Variants in SFXN1 observed in about 807,000 individuals in gnomAD.
SFXN1 encodes sideroflexin 1.
A neutral mutation model predicts 39.5 loss-of-function variants in SFXN1; 32 were observed. The observed-to-expected ratio is 0.81, with a 90% CI of 0.61 to 1.09. SFXN1 has a LOEUF of 1.09. Among genes scored for constraint, SFXN1 ranks in the 50% least tolerant of loss-of-function variants. SFXN1 has a pLI of 0.00. For synonymous variants in SFXN1, 136 were observed against 146.5 expected (o/e 0.93, Z 0.52); for missense variants, 402 against 407.1 (o/e 0.99, Z 0.11).
At position 175,507,984 on chromosome 5, in the gene SFXN1, A is replaced by G. The variant is rs1262458823; in HGVS notation, c.165-1048A>G. ...TGAGACCCTGTCTTTAAAAAAAAAA[A>G]AAAAAAAATTCTTCCTGAACTAGCT... is the stretch of plus-strand genomic sequence containing the variant. On this transcript the variant is annotated intron_variant, in intron 2 of 10. Transcript: ENST00000321442. 2.9e-5 allele frequency among the ~76,000 whole-genome samples: 4 copies of G among 137,442 alleles called. No homozygotes were observed. The East Asian group carries it at 8.8e-4, about 30-fold the overall frequency. The allele number at this position is 137,442 out of a possible 152,430, so 90.2% of individuals were successfully genotyped here.
chr5:175,490,499 A>G (rs1382746119), intron 1 of SFXN1, among the ~76,000 whole-genome samples: 1 of 152,232 alleles, frequency 6.6e-6, no homozygotes, highest in Non-Finnish European at 1.5e-5. Flanking sequence ...CCCAGCATTC[A>G]CATCCGACAT....
rs1457670277 is a variant in SFXN1, at chr5:175,509,088, T to G, written c.221T>G (p.Ile74Ser). 6.2e-7 allele frequency: 1 copy of G among 1,613,830 alleles called. No homozygotes were observed. The highest frequency in any genetic ancestry group is 8.5e-7 in the Non-Finnish European group (1 of 1,179,960). The change falls in exon 3 of 11, where the codon ATC becomes AGC. Residue 74 changes from isoleucine (I) to serine (S), a missense_variant. By Grantham distance (142) the Ile-to-Ser change is moderately radical. Coordinates refer to ENST00000321442, the MANE Select transcript of SFXN1 (RefSeq NM_022754.7). ...AATGAATTGTGGAGAGCAAAGTACA[T>G]CTATGATTCAGCTTTTCATCCTGAC... ...TENELWRAKY[I>S]YDSAFHPDTG...
chr5:175,487,634 G>A (rs112056090), intron 1 of SFXN1, among the ~76,000 whole-genome samples: 4,201 of 152,044 alleles, frequency 0.028, 106 homozygotes, highest in Non-Finnish European at 0.039. Flanking sequence ...CACTTCCCTG[G>A]TGATCTCATC....
chr5:175,517,481 C>T (rs1167575449), intron 8 of SFXN1, among the ~76,000 whole-genome samples: 1 of 152,044 alleles, frequency 6.6e-6, no homozygotes, highest in Non-Finnish European at 1.5e-5. Flanking sequence ...AGTCCTGGCA[C>T]CTCACTGGCT....
Position 175,526,710 on chromosome 5 carries a change from C to T in SFXN1, c.945C>T (p.Arg315=), listed in dbSNP as rs112968197. 1.4e-5 allele frequency: 23 copies of T among 1,614,144 alleles called. 1 individual carries two copies. The South Asian group carries it at 1.5e-4, about 11-fold the overall frequency. Residue 315 remains arginine (R), a synonymous_variant, in exon 11 of 11, where the codon CGC becomes CGT. Transcript: ENST00000321442. ...KIQESHPELR[R]VYFNKGL ...AAGAGAGCCATCCTGAATTGCGACG[C>T]GTGTACTTCAATAAGGGATTGTAAA...
chr5:175,494,362 A>G (rs1277383289), intron 2 of SFXN1, among the ~76,000 whole-genome samples: 4 of 152,246 alleles, frequency 2.6e-5, no homozygotes, highest in Admixed American at 2.6e-4. Flanking sequence ...ATGCCTGAAG[A>G]TAGTAAGCGA....
At chr5:175,514,838 G>GCACAGC (rs1760663852) in intron 7 of SFXN1, among the ~76,000 whole-genome samples, 2 of 152,310 alleles carry the variant, frequency 1.3e-5, no homozygotes, top group African/African-American at 4.8e-5. Flanking sequence ...AGGGGTGGCT[G>GCACAGC]CACAGCCACA....
chr5:175,481,255 A>G (rs1278458224), intron 1 of SFXN1, among the ~76,000 whole-genome samples: 1 of 152,168 alleles, frequency 6.6e-6, no homozygotes, highest in Admixed American at 6.5e-5. Context: ...CCATGCCCAT[A>G]GTTGATCTTG....
chr5:175,486,227 T>G (rs1402135165), intron 1 of SFXN1, among the ~76,000 whole-genome samples: 2 of 152,154 alleles, frequency 1.3e-5, no homozygotes, highest in Non-Finnish European at 2.9e-5. Flanking sequence ...CAGACATTAA[T>G]TGGTGTCATA....
chr5:175,492,545 T>C, intron 2 of SFXN1: 1 of 261,690 alleles, frequency 3.8e-6, no homozygotes, highest in Non-Finnish European at 7.2e-6. Flanking sequence ...TTGCCTTCTG[T>C]TCTCCGATAG....
At chr5:175,525,945 A>G (rs1417287249) in intron 10 of SFXN1, 1 of 152,134 alleles carries the variant, frequency 6.6e-6, no homozygotes, top group Non-Finnish European at 1.5e-5. Flanking sequence ...ATTACATATC[A>G]AAATATTAGC....
chr5:175,510,183 G>A lies in SFXN1; in HGVS notation c.410G>A (p.Ser137Asn), dbSNP rs1202835608. ...GCCGTCGTCAATTACACCAACAGAA[G>A]TGGAGACGCACCCCTCACTGTCAAG... is the stretch of plus-strand genomic sequence containing the variant. The part of the protein sequence containing the change: ...FNAVVNYTNR[S>N]GDAPLTVNEL... The change falls in exon 4 of 11, where the codon AGT becomes AAT. Residue 137 changes from serine (S) to asparagine (N), a missense_variant. Transcript: ENST00000321442. 2 of 1,613,018 alleles carry A rather than the reference G, an allele frequency of 1.2e-6. No individual in the cohort carries two copies. The highest frequency in any genetic ancestry group is 1.7e-6 in the Non-Finnish European group (2 of 1,179,624).
chr5:175,501,150 C>T (rs1284880856), intron 2 of SFXN1, among the ~76,000 whole-genome samples: 1 of 148,732 alleles, frequency 6.7e-6, no homozygotes, highest in Non-Finnish European at 1.5e-5. Flanking sequence ...CTCACTGCAA[C>T]CTCTGCCTCC....
chr5:175,517,514 G>A (rs1367484520), intron 8 of SFXN1, among the ~76,000 whole-genome samples: 1 of 152,090 alleles, frequency 6.6e-6, no homozygotes, highest in Non-Finnish European at 1.5e-5. Context: ...GGTTGTAGGT[G>A]TACTCCTTCA....
intron 2 of SFXN1, among the ~76,000 whole-genome samples, chr5:175,504,590 A>G (rs1760217121): frequency 6.6e-6 from 1 of 152,026 alleles, no homozygotes; most frequent in Non-Finnish European, 1.5e-5. Flanking sequence ...AAAAAAAAGA[A>G]GAGACCATAA....
At chr5:175,482,889 C>T (rs564169687) in intron 1 of SFXN1, among the ~76,000 whole-genome samples, 8 of 151,964 alleles carry the variant, frequency 5.3e-5, no homozygotes, top group South Asian at 2.1e-4. Flanking sequence ...CACCACAGGG[C>T]GGGGGGCCTC....
At chr5:175,495,091 GA>G (rs1355238812) in intron 2 of SFXN1, among the ~76,000 whole-genome samples, 1 of 152,230 alleles carries the variant, frequency 6.6e-6, no homozygotes, top group East Asian at 1.9e-4. Flanking sequence ...CCATACAGTG[GA>G]ATCCCATACA....
intron 1 of SFXN1, among the ~76,000 whole-genome samples, chr5:175,486,832 G>A (rs372210456): frequency 5.3e-5 from 8 of 152,244 alleles, no homozygotes; most frequent in Admixed American, 1.3e-4. Context: ...CCGTGATGGC[G>A]GCAGCTTGCC....
intron 8 of SFXN1, among the ~76,000 whole-genome samples, chr5:175,520,020 C>T (rs995550742): frequency 1.3e-5 from 2 of 151,710 alleles, no homozygotes; most frequent in Non-Finnish European, 2.9e-5. Flanking sequence ...CAGGCATGTA[C>T]CACCATGCCT....
Sources: gnomAD v4.1 joint callset for allele counts (sites outside exome capture counted in the v4.1 genomes callset) on GRCh38, gnomAD v4.1.1 for gene constraint, MANE v1.5 for transcripts, NCBI Gene and HGNC (gene_info 2026-07-23, HGNC 2026-07-21) for gene names.